MYO5B: variants seen among roughly 807,000 people sequenced by gnomAD.
The protein encoded by MYO5B is unconventional myosin-Vb.
A neutral mutation model predicts 229.3 loss-of-function variants in MYO5B; 143 were observed. The observed-to-expected ratio is 0.62, with a 90% CI of 0.54 to 0.72. The LOEUF (loss-of-function observed/expected upper bound fraction) is 0.72. Among genes scored for constraint, MYO5B ranks in the 30% least tolerant of loss-of-function variants. The probability of loss-of-function intolerance (pLI) is 0.00; values close to 1 mark genes in which losing one functional copy is unlikely to be tolerated. For synonymous variants in MYO5B, 918 were observed against 885.2 expected, an observed-to-expected ratio of 1.04 and a Z score of -0.66; for missense variants, 2,321 against 2,331.0, an observed-to-expected ratio of 1.00 and a Z score of 0.09.
chr18:50,077,510 C>A (rs1044632552), intron 1 of MYO5B, among the ~76,000 whole-genome samples: 1,319 of 120,996 alleles, frequency 0.011, 14 homozygotes, highest in African/African-American at 0.059. Context: ...CAAACACACA[C>A]ACACACACAC....
intron 1 of MYO5B, among the ~76,000 whole-genome samples, chr18:50,139,094 T>G (rs1286066636): frequency 7.2e-5 from 11 of 152,244 alleles, no homozygotes; most frequent in Non-Finnish European, 1.5e-4. Flanking sequence ...TGCCAGAGTA[T>G]TTAGGCAGAC....
intron 1 of MYO5B, among the ~76,000 whole-genome samples, chr18:50,096,194 T>G (rs959208757): frequency 5.3e-5 from 8 of 152,196 alleles, no homozygotes; most frequent in Non-Finnish European, 1.0e-4. Flanking sequence ...TGGCCATTTT[T>G]GACCTAAAGA....
chr18:49,829,623 A>T (rs900331520), intron 39 of MYO5B, among the ~76,000 whole-genome samples: 2 of 152,226 alleles, frequency 1.3e-5, no homozygotes, highest in African/African-American at 4.8e-5. Context: ...CCCTAATATC[A>T]AAGCCAGATA....
intron 1 of MYO5B, among the ~76,000 whole-genome samples, chr18:50,108,991 G>A (rs946394842): frequency 8.5e-5 from 13 of 152,116 alleles, no homozygotes; most frequent in Non-Finnish European, 1.5e-4. Context: ...GCTCCAAGAA[G>A]AATAAAGTCA....
At chr18:50,087,991 G>A (rs2031368346) in intron 1 of MYO5B, among the ~76,000 whole-genome samples, 1 of 152,188 alleles carries the variant, frequency 6.6e-6, no homozygotes, top group African/African-American at 2.4e-5. Flanking sequence ...TTGGCTGGAA[G>A]GTTAGAAAAG....
intron 4 of MYO5B, among the ~76,000 whole-genome samples, chr18:50,012,223 C>T (rs908321595): frequency 1.3e-5 from 2 of 152,188 alleles, no homozygotes; most frequent in Non-Finnish European, 2.9e-5. Context: ...AGAAGCACTG[C>T]TACAGACTCA....
rs150430436 is a variant in MYO5B, at chr18:50,127,282, A to G, written c.27+67485T>C. On this transcript the variant is annotated intron_variant, in intron 1 of 39. Coordinates refer to ENST00000285039, the MANE Select transcript of MYO5B (RefSeq NM_001080467.3). ...CCAGATACTGGCCATCCTTTCTTCT[A>G]GTGCCTGTAGGAACCAAGAACCCAG... Among the ~76,000 whole-genome samples, 121 of 152,342 alleles carry G rather than the reference A, an allele frequency of 7.9e-4. 1 individual carries two copies. Among genetic ancestry groups the G allele is most frequent in the South Asian group, 6.8e-3 (33 of 4,826 alleles).
chr18:49,854,676 A>C (rs1415221617), intron 30 of MYO5B, among the ~76,000 whole-genome samples: 7 of 152,190 alleles, frequency 4.6e-5, no homozygotes, highest in Non-Finnish European at 1.0e-4. Flanking sequence ...ATTATGACCA[A>C]GGTAGGCACA....
In MYO5B at chr18:49,848,311, G is replaced by A. The variant is rs111344962; in HGVS notation, c.4316-1022C>T. Among the ~76,000 whole-genome samples the A allele has an allele frequency of 5.4e-3, 828 of 152,132 alleles. 5 individuals carry two copies. Among genetic ancestry groups the A allele is most frequent in the African/African-American group, 0.019 (776 of 41,488 alleles). On this transcript the variant is annotated intron_variant, in intron 32 of 39. Transcript: ENST00000285039. ...ATGAAGGGTGGGTGCTGATGATGTGGGTGCTGATGGTGGTGGGGCTGGAAG... is the reference window on the plus strand; with the variant it reads ...ATGAAGGGTGGGTGCTGATGATGTGAGTGCTGATGGTGGTGGGGCTGGAAG...
At chr18:49,971,040 A>T (rs1037198055) in intron 10 of MYO5B, 2 of 152,266 alleles carry the variant, frequency 1.3e-5, no homozygotes, top group African/African-American at 2.4e-5. Flanking sequence ...AGGCATCCCC[A>T]CACCCCCACT....
intron 1 of MYO5B, among the ~76,000 whole-genome samples, chr18:50,134,534 G>A (rs940920528): frequency 4.0e-5 from 6 of 150,788 alleles, no homozygotes; most frequent in African/African-American, 7.3e-5. Flanking sequence ...CAGCCTGGGC[G>A]ATAGAGTGAG....
chr18:49,999,049 C>T (rs368908741), intron 5 of MYO5B, among the ~76,000 whole-genome samples: 92 of 152,350 alleles, frequency 6.0e-4, no homozygotes, highest in African/African-American at 2.2e-3. Context: ...CCCCATGTCT[C>T]ACACATGTTT....
intron 1 of MYO5B, among the ~76,000 whole-genome samples, chr18:50,099,783 G>A (rs74861239): frequency 6.6e-6 from 1 of 152,158 alleles, no homozygotes; most frequent in African/African-American, 2.4e-5. Context: ...TTGTACTTAT[G>A]TTCCCCCTGT....
At chr18:49,955,488 A>T (rs1324886701) in intron 12 of MYO5B, among the ~76,000 whole-genome samples, 1 of 152,188 alleles carries the variant, frequency 6.6e-6, no homozygotes, top group Non-Finnish European at 1.5e-5. Context: ...GCATATTTGG[A>T]TCAGGAAGTG....
chr18:50,123,803 C>T (rs1162068072), intron 1 of MYO5B, among the ~76,000 whole-genome samples: 1 of 152,144 alleles, frequency 6.6e-6, no homozygotes, highest in African/African-American at 2.4e-5. Flanking sequence ...CCTCAAATAC[C>T]TACTGGAAGC....
chr18:49,941,314 C>G (rs1307724708), intron 14 of MYO5B, among the ~76,000 whole-genome samples: 2 of 152,216 alleles, frequency 1.3e-5, no homozygotes, highest in Non-Finnish European at 2.9e-5. Flanking sequence ...AAGGCCATCT[C>G]TGGTGAGCAG....
intron 24 of MYO5B, 48 bp downstream of exon 24, chr18:49,878,897 C>A: frequency 2.5e-6 from 4 of 1,610,896 alleles, no homozygotes; most frequent in Non-Finnish European, 1.7e-6. Flanking sequence ...AGAAGCTGGA[C>A]AGGAGCCAGG....
At chr18:49,945,569 C>T (rs1468353639) in intron 14 of MYO5B, among the ~76,000 whole-genome samples, 3 of 152,180 alleles carry the variant, frequency 2.0e-5, no homozygotes, top group Non-Finnish European at 2.9e-5. Flanking sequence ...GGCACACCTT[C>T]ACCCAAACAC....
At chr18:50,158,364 C>T (rs1027760828) in intron 1 of MYO5B, among the ~76,000 whole-genome samples, 1 of 152,194 alleles carries the variant, frequency 6.6e-6, no homozygotes, top group Non-Finnish European at 1.5e-5. Flanking sequence ...TTTCATATAC[C>T]TAATATGACT....
Sources: allele counts gnomAD v4.1 joint callset (sites outside exome capture counted in the v4.1 genomes callset), GRCh38; gene constraint gnomAD v4.1.1; transcripts MANE v1.5; gene names NCBI Gene and HGNC (gene_info 2026-07-23, HGNC 2026-07-21).